BBOX1: variants seen among roughly 807,000 people sequenced by gnomAD.
BBOX1 encodes gamma-butyrobetaine hydroxylase 1.
BBOX1 carries 35 observed loss-of-function variants against 41.6 expected under a neutral mutation model. The ratio of observed to expected loss-of-function variants is 0.84; its 90% CI spans 0.64 to 1.11. The LOEUF is 1.11. Ranked by LOEUF, BBOX1 falls within the 50% of genes most tolerant of loss-of-function variation. The pLI is 0.00. For synonymous variants in BBOX1, 163 were observed against 154.7 expected, an observed-to-expected ratio of 1.05 and a Z score of -0.40; for missense variants, 458 against 460.6, an observed-to-expected ratio of 0.99 and a Z score of 0.05.
chr11:27,047,189 T>C (rs1412522535), intron 2 of BBOX1: 1 of 152,144 alleles, frequency 6.6e-6, no homozygotes, highest in Non-Finnish European at 1.5e-5. Flanking sequence ...AATCAGACAC[T>C]ATCCTGACAT....
At position 27,041,329 on chromosome 11, in the gene BBOX1, C is replaced by CAGTG. The variant is rs1010625524; in HGVS notation, c.-186_-183dup. On this transcript the variant is annotated 5_prime_UTR_variant, in exon 2 of 9. Coordinates refer to ENST00000263182, the MANE Select transcript of BBOX1 (RefSeq NM_003986.3). ...TCAGCTGTGTCTGGGGGCAGGGCCA[C>CAGTG]AGTGAAACTGCCAGGAGCAAAAAGG... is the stretch of plus-strand genomic sequence containing the variant. The CAGTG allele has an allele frequency of 1.3e-5, 2 of 152,066 alleles. No individual in the cohort carries two copies. Among genetic ancestry groups the CAGTG allele is most frequent in the Non-Finnish European group, 2.9e-5 (2 of 68,072 alleles). 9.4% of individuals were successfully genotyped at this position (152,066 alleles called of 1,614,324 possible). A position where few individuals can be genotyped will look rare whatever the true frequency, so the allele number is the denominator to read the frequency against.
intron 5 of BBOX1, among the ~76,000 whole-genome samples, chr11:27,114,949 G>A (rs1340519273): frequency 6.6e-6 from 1 of 151,752 alleles, no homozygotes; most frequent in East Asian, 1.9e-4. Flanking sequence ...ATTAGTGATT[G>A]CCAAGGTCTT....
chr11:27,059,582 T>C (rs989062520), intron 4 of BBOX1, among the ~76,000 whole-genome samples: 1 of 152,128 alleles, frequency 6.6e-6, no homozygotes, highest in South Asian at 2.1e-4. Flanking sequence ...CCAGCATGCA[T>C]ACTCAGCATG....
Position 27,115,470 on chromosome 11 carries a change from A to C in BBOX1, c.552A>C (p.Gln184His). ...LTFYGHTWQV[Q>H]DKIDANNVAY... ...TTTACAGACATACTTGGCAAGTGCAAGACAAAATCGATGCAAACAATGTGG... is the reference window on the plus strand; with the variant it reads ...TTTACAGACATACTTGGCAAGTGCACGACAAAATCGATGCAAACAATGTGG... Residue 184 changes from glutamine (Q) to histidine (H), a missense_variant, in exon 6 of 9, where the codon CAA (glutamine) becomes CAC (histidine). Gln to His is a conservative substitution (Grantham distance 24). Transcript: ENST00000263182. The C allele has an allele frequency of 6.2e-7, 1 of 1,610,408 alleles. No individual in the cohort carries two copies. The highest frequency in any genetic ancestry group is 1.3e-5 in the African/African-American group (1 of 74,700).
intron 5 of BBOX1, among the ~76,000 whole-genome samples, chr11:27,099,857 T>C (rs1858583766): frequency 6.6e-6 from 1 of 152,112 alleles, no homozygotes; most frequent in East Asian, 1.9e-4. Context: ...TGTAGAATGC[T>C]ACTACTACTG....
At chr11:27,054,493 T>C (rs1190198454) in intron 2 of BBOX1, among the ~76,000 whole-genome samples, 1 of 152,166 alleles carries the variant, frequency 6.6e-6, no homozygotes, top group African/African-American at 2.4e-5. Context: ...AGGTCAAATA[T>C]ATAGTCACTA....
intron 4 of BBOX1, chr11:27,066,466 G>C (rs1857283539): frequency 6.6e-6 from 1 of 152,056 alleles, no homozygotes; most frequent in South Asian, 2.1e-4. Context: ...AATAAAAAAG[G>C]GGACAATTGA....
At chr11:27,109,707 T>C (rs1858989119) in intron 5 of BBOX1, among the ~76,000 whole-genome samples, 1 of 152,024 alleles carries the variant, frequency 6.6e-6, no homozygotes. Context: ...CTGAATTCTA[T>C]CCTTCTGGGA....
chr11:27,069,548 T>A (rs1276795741), intron 4 of BBOX1, among the ~76,000 whole-genome samples: 1 of 152,140 alleles, frequency 6.6e-6, no homozygotes, highest in African/African-American at 2.4e-5. Context: ...CTTTTCCAAT[T>A]TGGTTGCCCT....
intron 5 of BBOX1, among the ~76,000 whole-genome samples, chr11:27,100,167 A>T (rs979420731): frequency 2.0e-5 from 3 of 152,038 alleles, no homozygotes; most frequent in Non-Finnish European, 4.4e-5. Flanking sequence ...TCGGCATCTC[A>T]CCCCTAAGAA....
intron 7 of BBOX1, among the ~76,000 whole-genome samples, chr11:27,124,004 A>C (rs1859557523): frequency 2.0e-5 from 3 of 152,176 alleles, no homozygotes; most frequent in Admixed American, 1.3e-4. Flanking sequence ...AATTGGTGCT[A>C]ATCACCAACT....
At chr11:27,076,079 A>T (rs1228177878) in intron 4 of BBOX1, among the ~76,000 whole-genome samples, 1 of 151,892 alleles carries the variant, frequency 6.6e-6, no homozygotes, top group Non-Finnish European at 1.5e-5. Flanking sequence ...TGGTACATTC[A>T]CTCTCCGCCT....
intron 6 of BBOX1, among the ~76,000 whole-genome samples, chr11:27,118,308 G>T (rs1032033853): frequency 6.6e-6 from 1 of 152,024 alleles, no homozygotes; most frequent in Non-Finnish European, 1.5e-5. Flanking sequence ...ATAATAAAAT[G>T]TAGGCAACCT....
intron 5 of BBOX1, among the ~76,000 whole-genome samples, chr11:27,102,254 T>C (rs1297793216): frequency 6.6e-6 from 1 of 152,116 alleles, no homozygotes; most frequent in Non-Finnish European, 1.5e-5. Flanking sequence ...CCATAAAATT[T>C]AGGAAAGCTG....
At chr11:27,098,260 C>A (rs895109135) in intron 5 of BBOX1, among the ~76,000 whole-genome samples, 1 of 151,958 alleles carries the variant, frequency 6.6e-6, no homozygotes, top group Admixed American at 6.6e-5. Flanking sequence ...TCCTCTGCAG[C>A]GCTACAGTAG....
At position 27,119,832 on chromosome 11, in the gene BBOX1, C is replaced by A; in HGVS notation, c.823C>A (p.His275Asn). ...DYCDFSVQSKHKIIELDDKGQ... is the reference protein window; with the variant it reads ...DYCDFSVQSKNKIIELDDKGQ... Reference sequence around the variant, plus strand: ...CTGTGATTTTTCTGTACAATCAAAACATAAAATTATAGAGTAAGTACTATT... The same window carrying A: ...CTGTGATTTTTCTGTACAATCAAAAAATAAAATTATAGAGTAAGTACTATT... Residue 275 changes from histidine (H) to asparagine (N), a missense_variant, in exon 7 of 9, where the codon CAT becomes AAT. His to Asn is a moderately conservative substitution (Grantham distance 68). Transcript: ENST00000263182. 6.6e-7 allele frequency: 1 copy of A among 1,513,524 alleles called. No individual in the cohort carries two copies. The highest frequency in any genetic ancestry group is 1.3e-5 in the South Asian group (1 of 75,458). The allele number at this position is 1,513,524 out of a possible 1,614,324, so 93.8% of individuals were successfully genotyped here.
At chr11:27,109,577 A>G (rs1410942897) in intron 5 of BBOX1, among the ~76,000 whole-genome samples, 1 of 152,044 alleles carries the variant, frequency 6.6e-6, no homozygotes, top group Non-Finnish European at 1.5e-5. Context: ...GAAACCAGAA[A>G]AAAAGGCAGG....
At chr11:27,068,076 C>A (rs1350275259) in intron 4 of BBOX1, among the ~76,000 whole-genome samples, 1 of 151,670 alleles carries the variant, frequency 6.6e-6, no homozygotes, top group Non-Finnish European at 1.5e-5. Flanking sequence ...GACTTTTTTC[C>A]TTTGGGGTAG....
At chr11:27,060,198 G>A (rs1030047139) in intron 4 of BBOX1, among the ~76,000 whole-genome samples, 9 of 152,126 alleles carry the variant, frequency 5.9e-5, no homozygotes, top group African/African-American at 2.2e-4. Flanking sequence ...GCACCATCCT[G>A]TTGGTACTAT....
Sources: allele counts gnomAD v4.1 joint callset (sites outside exome capture counted in the v4.1 genomes callset), GRCh38; gene constraint gnomAD v4.1.1; transcripts MANE v1.5; gene names NCBI Gene and HGNC (gene_info 2026-07-23, HGNC 2026-07-21).